SLC5A4: variants seen among roughly 807,000 people sequenced by gnomAD.
SLC5A4 encodes the protein probable glucose sensor protein SLC5A4.
Under a neutral mutation model 70.3 loss-of-function variants are expected in SLC5A4, and 55 were observed. The observed-to-expected ratio is 0.78, with a 90% CI of 0.63 to 0.98. The LOEUF is 0.98. Among genes scored for constraint, SLC5A4 ranks in the 50% least tolerant of loss-of-function variants. The pLI, the probability that SLC5A4 is intolerant of heterozygous loss-of-function variation, is 0.00. For missense variants in SLC5A4, 735 were observed against 839.2 expected (o/e 0.88, Z 1.53); for synonymous variants, 268 against 305.7 (o/e 0.88, Z 1.29).
At chr22:32,321,465 AATC>A in the SLC5A4 span, among the ~76,000 whole-genome samples, 1 of 152,126 alleles carries the variant, frequency 6.6e-6, no homozygotes, top group Non-Finnish European at 1.5e-5. Context: ...AACGAACACA[AATC>A]TTTTAAGTTC....
At chr22:32,299,376 A>G in the SLC5A4 span, among the ~76,000 whole-genome samples, 1 of 136,668 alleles carries the variant, frequency 7.3e-6, no homozygotes, top group African/African-American at 2.7e-5. Flanking sequence ...TTTTCTCTAA[A>G]CTTCCCTTCT....
chr22:32,302,286 T>A, the SLC5A4 span, among the ~76,000 whole-genome samples: 1 of 130,502 alleles, frequency 7.7e-6, no homozygotes, highest in South Asian at 2.5e-4. Flanking sequence ...AGTCCTTTGC[T>A]GGGTATGTGG....
At chr22:32,313,409 C>T in the SLC5A4 span, among the ~76,000 whole-genome samples, 2 of 152,140 alleles carry the variant, frequency 1.3e-5, no homozygotes, top group East Asian at 1.9e-4. Context: ...ATATTAAACA[C>T]AGATACAGAT....
upstream of SLC5A4, among the ~76,000 whole-genome samples, chr22:32,256,044 C>A (rs151111247): frequency 6.6e-6 from 1 of 152,092 alleles, no homozygotes; most frequent in African/African-American, 2.4e-5. Context: ...AAAGCCTATG[C>A]GGTGGCTGAC....
At chr22:32,338,695 G>A in the SLC5A4 span, among the ~76,000 whole-genome samples, 1 of 152,078 alleles carries the variant, frequency 6.6e-6, no homozygotes, top group African/African-American at 2.4e-5. Context: ...ATAGAAATGG[G>A]GGCACCCCAT....
At chr22:32,319,075 A>G in the SLC5A4 span, among the ~76,000 whole-genome samples, 1 of 152,088 alleles carries the variant, frequency 6.6e-6, no homozygotes, top group East Asian at 1.9e-4. Flanking sequence ...GGGGGAATTC[A>G]CACTCTCTGC....
the SLC5A4 span, among the ~76,000 whole-genome samples, chr22:32,304,433 T>C: frequency 8.0e-5 from 10 of 125,486 alleles, no homozygotes; most frequent in Admixed American, 5.9e-4. Context: ...TGAGCTACCA[T>C]GCCCAGCTTG....
At chr22:32,283,965 T>A in the SLC5A4 span, among the ~76,000 whole-genome samples, 2 of 152,224 alleles carry the variant, frequency 1.3e-5, no homozygotes, top group African/African-American at 2.4e-5. Context: ...TTTGGAGGAA[T>A]TTTTACAAAG....
At chr22:32,308,269 C>T in the SLC5A4 span, among the ~76,000 whole-genome samples, 1 of 152,168 alleles carries the variant, frequency 6.6e-6, no homozygotes, top group Non-Finnish European at 1.5e-5. Flanking sequence ...TAAAATAAGC[C>T]AATTAAAAAA....
the SLC5A4 span, among the ~76,000 whole-genome samples, chr22:32,290,281 A>G: frequency 6.6e-6 from 1 of 151,596 alleles, no homozygotes; most frequent in Non-Finnish European, 1.5e-5. Flanking sequence ...CCGGTGTGTG[A>G]TGTTCCCCTC....
chr22:32,335,505 C>A, the SLC5A4 span, among the ~76,000 whole-genome samples: 1 of 152,046 alleles, frequency 6.6e-6, no homozygotes, highest in East Asian at 1.9e-4. Context: ...GAGCGGAGTA[C>A]GGAGCTAGGC....
the SLC5A4 span, among the ~76,000 whole-genome samples, chr22:32,350,245 C>CT: frequency 6.6e-6 from 1 of 152,206 alleles, no homozygotes; most frequent in Non-Finnish European, 1.5e-5. Context: ...AGAAGAAAAA[C>CT]TTAATACTGC....
rs1452236454 is a variant in SLC5A4 at position 32,239,090 on chromosome 22, C to A, written c.478G>T (p.Ala160Ser). The change falls in exon 6 of 15, where the codon GCA becomes TCA. Residue 160 changes from alanine (A) to serine (S), a missense_variant and splice_region_variant. Ala to Ser is a moderately conservative substitution (Grantham distance 99). Coordinates refer to ENST00000266086, the MANE Select transcript of SLC5A4 (RefSeq NM_014227.3). Reference sequence around the variant, plus strand: ...AATATGGCTCCAGCAAATATGTCTGCCTAAAAAGGGAACAGTCAGGATGAG... The same window carrying A: ...AATATGGCTCCAGCAAATATGTCTGACTAAAAAGGGAACAGTCAGGATGAG... ...LFICVVLLIS[A>S]DIFAGAIFIK... 2.5e-6 allele frequency: 4 copies of A among 1,611,008 alleles called. No individual in the cohort carries two copies. Among genetic ancestry groups the A allele is most frequent in the Non-Finnish European group, 3.4e-6 (4 of 1,177,478 alleles).
At chr22:32,245,599 C>A (rs369603014) in intron 5 of SLC5A4, among the ~76,000 whole-genome samples, 2 of 152,354 alleles carry the variant, frequency 1.3e-5, no homozygotes, top group Non-Finnish European at 2.9e-5. Flanking sequence ...CGGTTCACTG[C>A]AACCTCTGCC....
chr22:32,272,181 CAGG>C, the SLC5A4 span: 24 of 732,672 alleles, frequency 3.3e-5, no homozygotes, highest in Admixed American at 3.8e-5. Context: ...CTGCCTCATG[CAGG>C]AGGAGGAGGA....
chr22:32,272,720 G>T, the SLC5A4 span: 1 of 513,014 alleles, frequency 1.9e-6, no homozygotes, highest in South Asian at 1.9e-5. Flanking sequence ...GTGCCCACAT[G>T]AACGCATTCT....
chr22:32,314,168 A>G, the SLC5A4 span, among the ~76,000 whole-genome samples: 269 of 152,316 alleles, frequency 1.8e-3, 2 homozygotes, highest in African/African-American at 6.2e-3. Context: ...TAAGGGTGAG[A>G]GATTCCGTGG....
chr22:32,218,470 T>G lies in SLC5A4; in HGVS notation c.*44A>C, dbSNP rs1357717468. 2 of 980,738 alleles carry G rather than the reference T, an allele frequency of 2.0e-6. No individual in the cohort carries two copies. The highest frequency in any genetic ancestry group is 3.0e-6 in the Non-Finnish European group (2 of 664,580). 60.8% of individuals were successfully genotyped at this position (980,738 alleles called of 1,614,324 possible). A position where few individuals can be genotyped will look rare whatever the true frequency, so the allele number is the denominator to read the frequency against. On this transcript the variant is annotated 3_prime_UTR_variant, in exon 15 of 15. Coordinates refer to ENST00000266086, the MANE Select transcript of SLC5A4 (RefSeq NM_014227.3). ...AAAATCACTAAAATTATCCTTTGGT[T>G]CATTATTAAGAATTATTCATTATTC...
chr22:32,295,972 T>C, the SLC5A4 span, among the ~76,000 whole-genome samples: 2 of 19,218 alleles, frequency 1.0e-4, no homozygotes, highest in African/African-American at 2.2e-4. Context: ...GTTGTAGATA[T>C]GCGGCGTTAT....
Sources: gnomAD v4.1 joint callset for allele counts (sites outside exome capture counted in the v4.1 genomes callset) on GRCh38, gnomAD v4.1.1 for gene constraint, MANE v1.5 for transcripts, NCBI Gene and HGNC (gene_info 2026-07-23, HGNC 2026-07-21) for gene names.